ZFAND6: variants seen among roughly 807,000 people sequenced by gnomAD.
ZFAND6 encodes the protein zinc finger AN1-type containing 6.
In ZFAND6, 12 loss-of-function variants were observed where a neutral mutation model predicts 24.5. That is an observed-to-expected ratio of 0.49 (90% CI 0.31 to 0.79). ZFAND6 has a LOEUF of 0.79. Among genes scored for constraint, ZFAND6 ranks in the 30% least tolerant of loss-of-function variants. The pLI is 0.04. For missense variants in ZFAND6, 207 were observed against 245.9 expected (o/e 0.84, Z 1.06); for synonymous variants, 92 against 81.5 (o/e 1.13, Z -0.69).
In ZFAND6 at chr15:80,062,416, G is replaced by T. The variant is rs148686995; in HGVS notation, c.-181+2607G>T. ...TTAAATATGTTTTAGATTAGAGAATGCCCACAAGGTGTGTTTCCCGAGGAT... is the reference window on the plus strand; with the variant it reads ...TTAAATATGTTTTAGATTAGAGAATTCCCACAAGGTGTGTTTCCCGAGGAT... On this transcript the variant is annotated intron_variant, in intron 1 of 6. Coordinates refer to ENST00000261749, the MANE Select transcript of ZFAND6 (RefSeq NM_019006.4). 7.9e-5 allele frequency among the ~76,000 whole-genome samples: 12 copies of T among 152,296 alleles called. No homozygotes were observed. The East Asian group carries it at 2.3e-3, about 29-fold the overall frequency.
At chr15:80,130,074 G>T (rs1775437221) in intron 5 of ZFAND6, 1 of 152,174 alleles carries the variant, frequency 6.6e-6, no homozygotes, top group South Asian at 2.1e-4. Context: ...AGCCATTGAG[G>T]AATTCTAAAC....
intron 1 of ZFAND6, among the ~76,000 whole-genome samples, chr15:80,065,537 A>ATTTTTTTTTTGTTTTTTTTTTT (rs2036580218): frequency 1.3e-5 from 1 of 76,506 alleles, no homozygotes; most frequent in African/African-American, 5.3e-5. Flanking sequence ...TTTGGTTTTG[A>ATTTTTTTTTTGTTTTTTTTTTT]TTTTTTTTTT....
chr15:80,073,274 A>T (rs2037078499), intron 1 of ZFAND6: 1 of 320,170 alleles, frequency 3.1e-6, no homozygotes, highest in African/African-American at 2.2e-5. Flanking sequence ...AGGTGGAGAT[A>T]AGTAATTAAC....
intron 6 of ZFAND6, among the ~76,000 whole-genome samples, chr15:80,132,955 A>G (rs572020285): frequency 1.3e-5 from 2 of 151,338 alleles, no homozygotes; most frequent in South Asian, 4.2e-4. Context: ...AAAAAAAAAA[A>G]GGAAATTTGT....
At chr15:80,108,598 C>A (rs578206628) in intron 2 of ZFAND6, among the ~76,000 whole-genome samples, 1 of 152,218 alleles carries the variant, frequency 6.6e-6, no homozygotes, top group African/African-American at 2.4e-5. Flanking sequence ...AAATTCACTG[C>A]AACTTAATTT....
chr15:80,065,537 ATT>A (rs149756891), intron 1 of ZFAND6, among the ~76,000 whole-genome samples: 1,297 of 76,406 alleles, frequency 0.017, 13 homozygotes, highest in African/African-American at 0.064. Context: ...TTTGGTTTTG[ATT>A]TTTTTTTTTT....
chr15:80,060,279 G>GT (rs2036258270), intron 1 of ZFAND6: 1 of 152,112 alleles, frequency 6.6e-6, no homozygotes, highest in South Asian at 2.1e-4. Flanking sequence ...CACCTGCGGC[G>GT]TTTTTCAGAA....
chr15:80,068,669 G>T (rs114693404), intron 1 of ZFAND6, among the ~76,000 whole-genome samples: 2,380 of 152,352 alleles, frequency 0.016, 70 homozygotes, highest in African/African-American at 0.051. Flanking sequence ...ACCGCGCTCA[G>T]CCGGTCTTGA....
chr15:80,119,430 TA>T (rs2040046709), intron 2 of ZFAND6, among the ~76,000 whole-genome samples: 1 of 152,210 alleles, frequency 6.6e-6, no homozygotes, highest in African/African-American at 2.4e-5. Context: ...TTTTGATGAT[TA>T]ATGGGTGCTC....
chr15:80,082,626 T>C (rs1420325836), intron 1 of ZFAND6, among the ~76,000 whole-genome samples: 2 of 152,218 alleles, frequency 1.3e-5, no homozygotes, highest in Non-Finnish European at 2.9e-5. Context: ...TCAATATCAC[T>C]GTCAAGTGAC....
intron 2 of ZFAND6, among the ~76,000 whole-genome samples, chr15:80,116,009 A>G (rs940199963): frequency 3.3e-5 from 5 of 152,018 alleles, no homozygotes; most frequent in African/African-American, 1.2e-4. Context: ...GTTGTTAATA[A>G]GCAGTATAGC....
At chr15:80,066,319 T>TAAA (rs57890328) in intron 1 of ZFAND6, among the ~76,000 whole-genome samples, 3 of 130,540 alleles carry the variant, frequency 2.3e-5, no homozygotes, top group Non-Finnish European at 5.1e-5. Context: ...TATCGAAACA[T>TAAA]AAAAAAAAAA....
At chr15:80,132,695 A>C (rs951760404) in intron 6 of ZFAND6, among the ~76,000 whole-genome samples, 3 of 152,176 alleles carry the variant, frequency 2.0e-5, no homozygotes, top group Non-Finnish European at 4.4e-5. Context: ...TGTATTTTTC[A>C]TCGTGTTTAA....
chr15:80,081,555 C>T (rs560460024), intron 1 of ZFAND6, among the ~76,000 whole-genome samples: 1 of 152,266 alleles, frequency 6.6e-6, no homozygotes, highest in South Asian at 2.1e-4. Flanking sequence ...GACATGCATA[C>T]AGCAAAGGGA....
chr15:80,131,118 G>A (rs2040580021), intron 5 of ZFAND6, 62 bp from the exon 6 acceptor site: 1 of 1,272,386 alleles, frequency 7.9e-7, no homozygotes, highest in African/African-American at 1.5e-5. Flanking sequence ...AGGGAGGGTG[G>A]GATGAGGAAT....
chr15:80,134,259 G>C (rs1210087846), intron 6 of ZFAND6, among the ~76,000 whole-genome samples: 1 of 152,126 alleles, frequency 6.6e-6, no homozygotes, highest in Non-Finnish European at 1.5e-5. Flanking sequence ...CAAAGTGCTG[G>C]GATTACAGGC....
intron 5 of ZFAND6, chr15:80,129,918 G>A (rs1297408616): frequency 6.6e-6 from 1 of 152,196 alleles, no homozygotes; most frequent in African/African-American, 2.4e-5. Context: ...GCAAAAGAGA[G>A]TTTGATATGT....
At chr15:80,105,220 A>G (rs2039257198) in intron 2 of ZFAND6, among the ~76,000 whole-genome samples, 1 of 152,248 alleles carries the variant, frequency 6.6e-6, no homozygotes. Context: ...AGTTATCCAG[A>G]GTAATTGATA....
intron 2 of ZFAND6, among the ~76,000 whole-genome samples, chr15:80,106,062 C>T (rs2039308745): frequency 6.6e-6 from 1 of 152,144 alleles, no homozygotes; most frequent in Admixed American, 6.5e-5. Flanking sequence ...TTGATGAGAG[C>T]AGAACTGTGT....
Sources: allele counts gnomAD v4.1 joint callset (sites outside exome capture counted in the v4.1 genomes callset), GRCh38; gene constraint gnomAD v4.1.1; transcripts MANE v1.5; gene names NCBI Gene and HGNC (gene_info 2026-07-23, HGNC 2026-07-21).